The following TNRC6B variants were observed in gnomAD, a reference collection of about 807,000 sequenced individuals.
The protein encoded by TNRC6B is trinucleotide repeat-containing gene 6B protein.
In TNRC6B, 52 loss-of-function variants were observed where a neutral mutation model predicts 203.6. The ratio of observed to expected loss-of-function variants is 0.26; its 90% CI spans 0.20 to 0.32. The LOEUF (loss-of-function observed/expected upper bound fraction) is 0.32. TNRC6B is among the 10% of genes least tolerant of loss of function. The pLI is 1.00. For synonymous variants in TNRC6B, 838 were observed against 845.7 expected (o/e 0.99, Z 0.16); for missense variants, 1,923 against 2,286.2 (o/e 0.84, Z 3.24).
At position 40,285,671 on chromosome 22, in the gene TNRC6B, C is replaced by T; in HGVS notation, c.3609C>T (p.Asn1203=). ...RQGGSHGLFG[N]STAQSRGLHT... Reference sequence around the variant, plus strand: ...GCGGTAGTCATGGTTTGTTTGGAAACAGCACAGCACAATCGAGAGGTCTGC... The same window carrying T: ...GCGGTAGTCATGGTTTGTTTGGAAATAGCACAGCACAATCGAGAGGTCTGC... Residue 1203 remains asparagine (N), a synonymous_variant, in exon 12 of 23, where the codon AAC becomes AAT. Transcript: ENST00000454349. 3 of 1,613,358 alleles carry T rather than the reference C, an allele frequency of 1.9e-6. No homozygotes were observed. The highest frequency in any genetic ancestry group is 1.7e-5 in the Admixed American group (1 of 59,804).
chr22:40,122,154 G>T (rs577671758), intron 2 of TNRC6B, among the ~76,000 whole-genome samples: 191 of 152,228 alleles, frequency 1.3e-3, no homozygotes, highest in African/African-American at 4.1e-3. Context: ...CCTTGACTGG[G>T]CTCTCTATAT....
chr22:40,231,541 T>C (rs1248598003), intron 1 of TNRC6B, among the ~76,000 whole-genome samples: 1 of 152,196 alleles, frequency 6.6e-6, no homozygotes, highest in Non-Finnish European at 1.5e-5. Context: ...TTAAAATTTC[T>C]ATTTCTGATT....
At chr22:40,108,229 C>G (rs1281897208) in intron 1 of TNRC6B, among the ~76,000 whole-genome samples, 1 of 152,138 alleles carries the variant, frequency 6.6e-6, no homozygotes, top group Non-Finnish European at 1.5e-5. Flanking sequence ...CTGACGTGGC[C>G]TCTAGAGAAT....
At position 40,324,209 on chromosome 22, in the gene TNRC6B, C is replaced by G. The variant is rs1277195215; in HGVS notation, c.*968C>G. On this transcript the variant is annotated 3_prime_UTR_variant, in exon 23 of 23. Transcript: ENST00000454349. ...GGGGTTTCTCTGGCTGTTCTTTTGACCTAGCAGTAGAGTGGAGCACTGCCA... is the reference window on the plus strand; with the variant it reads ...GGGGTTTCTCTGGCTGTTCTTTTGAGCTAGCAGTAGAGTGGAGCACTGCCA... 2 of 152,424 alleles carry G rather than the reference C, an allele frequency of 1.3e-5. No homozygotes were observed. The highest frequency in any genetic ancestry group is 4.8e-5 in the African/African-American group (2 of 41,390). 9.4% of individuals were successfully genotyped at this position (152,424 alleles called of 1,614,324 possible).
At chr22:40,304,306 C>A (rs989368887) in intron 15 of TNRC6B, among the ~76,000 whole-genome samples, 2 of 152,092 alleles carry the variant, frequency 1.3e-5, no homozygotes, top group African/African-American at 4.8e-5. Flanking sequence ...CTAATTCTGT[C>A]CTTTTAGCAA....
chr22:40,105,824 T>C (rs975072360), intron 1 of TNRC6B, among the ~76,000 whole-genome samples: 6 of 152,326 alleles, frequency 3.9e-5, no homozygotes, highest in African/African-American at 1.4e-4. Flanking sequence ...GGCGTATCTG[T>C]CTTGAACTTT....
At chr22:40,090,607 T>G (rs2068142606) in intron 1 of TNRC6B, among the ~76,000 whole-genome samples, 1 of 152,214 alleles carries the variant, frequency 6.6e-6, no homozygotes, top group Non-Finnish European at 1.5e-5. Context: ...AGATGTATCT[T>G]TGTATTTTCT....
intron 3 of TNRC6B, among the ~76,000 whole-genome samples, chr22:40,150,065 A>G (rs529226656): frequency 6.6e-6 from 1 of 152,324 alleles, no homozygotes; most frequent in East Asian, 1.9e-4. Flanking sequence ...AAGTCTTGAC[A>G]TGGTAAACTA....
intron 1 of TNRC6B, among the ~76,000 whole-genome samples, chr22:40,223,600 G>C (rs893781884): frequency 1.7e-4 from 26 of 152,290 alleles, no homozygotes; most frequent in African/African-American, 5.3e-4. Context: ...AGTACAAAAA[G>C]AACTGCTTGT....
At chr22:40,047,713 T>C (rs1272873726) in intron 1 of TNRC6B, among the ~76,000 whole-genome samples, 1 of 152,230 alleles carries the variant, frequency 6.6e-6, no homozygotes, top group Non-Finnish European at 1.5e-5. Context: ...ATAAAGATTG[T>C]AAAAATACAT....
chr22:40,300,896 C>T lies in TNRC6B; in HGVS notation c.3841-14C>T. On this transcript the variant is annotated splice_polypyrimidine_tract_variant and intron_variant, in intron 13 of 22. Coordinates refer to ENST00000454349, the MANE Select transcript of TNRC6B (RefSeq NM_001162501.2). ...GGAAACTTTGGTTTTCTGTCTTTCC[C>T]CCTTGTTTTGTAGGCATGTCAGCTT... 6.2e-7 allele frequency: 1 copy of T among 1,611,916 alleles called. No homozygotes were observed. The highest frequency in any genetic ancestry group is 8.5e-7 in the Non-Finnish European group (1 of 1,179,048).
intron 2 of TNRC6B, among the ~76,000 whole-genome samples, chr22:40,125,355 T>C (rs1032662749): frequency 2.0e-5 from 3 of 152,174 alleles, no homozygotes; most frequent in African/African-American, 7.2e-5. Context: ...CCAATTCCAA[T>C]AGCCTTAGCC....
At position 40,331,351 on chromosome 22, in the gene TNRC6B, G is replaced by GA. The variant is rs934758802; in HGVS notation, c.*8113dup. ...TTCAGAGCTATTATAGTTGAACACA[G>GA]AAATCTGCAGTGTCTTTATTTGTTT... On this transcript the variant is annotated 3_prime_UTR_variant, in exon 23 of 23. Transcript: ENST00000454349. 2 of 218,742 alleles carry GA rather than the reference G, an allele frequency of 9.1e-6. No individual in the cohort carries two copies. Among genetic ancestry groups the GA allele is most frequent in the African/African-American group, 4.5e-5 (2 of 44,504 alleles). 13.6% of individuals were successfully genotyped at this position (218,742 alleles called of 1,614,324 possible). A position where few individuals can be genotyped will look rare whatever the true frequency, so the allele number is the denominator to read the frequency against.
intron 5 of TNRC6B, among the ~76,000 whole-genome samples, chr22:40,267,722 C>A (rs2070500096): frequency 6.6e-6 from 1 of 152,070 alleles, no homozygotes; most frequent in African/African-American, 2.4e-5. Context: ...TTTTAAAAAT[C>A]AGACGGGTGT....
At chr22:40,160,134 G>A (rs981911202) in intron 4 of TNRC6B, among the ~76,000 whole-genome samples, 1 of 151,904 alleles carries the variant, frequency 6.6e-6, no homozygotes, top group Non-Finnish European at 1.5e-5. Context: ...TCTTTTAAAC[G>A]TCTGTCAAAC....
At chr22:40,222,218 C>T (rs1171694400) in intron 1 of TNRC6B, among the ~76,000 whole-genome samples, 1 of 152,162 alleles carries the variant, frequency 6.6e-6, no homozygotes, top group Non-Finnish European at 1.5e-5. Flanking sequence ...AATTGATGGC[C>T]ACTCTAGGCA....
chr22:40,131,487 C>T (rs1394616145), intron 3 of TNRC6B, among the ~76,000 whole-genome samples: 1 of 151,368 alleles, frequency 6.6e-6, no homozygotes, highest in Non-Finnish European at 1.5e-5. Context: ...ATAGATCATT[C>T]CTGAATTATG....
At chr22:40,245,711 CGTGT>C (rs66501173) in intron 1 of TNRC6B, among the ~76,000 whole-genome samples, 47,795 of 150,982 alleles carry the variant, frequency 0.32, 9,185 homozygotes, top group East Asian at 0.57. Flanking sequence ...GGAAATTAAT[CGTGT>C]GTGTGTGTGT....
intron 1 of TNRC6B, among the ~76,000 whole-genome samples, chr22:40,200,905 A>G (rs965432125): frequency 1.3e-5 from 2 of 152,106 alleles, no homozygotes; most frequent in Non-Finnish European, 2.9e-5. Context: ...TGGGAGCTCA[A>G]GCTCTATATT....
Sources: gnomAD v4.1 joint callset for allele counts (sites outside exome capture counted in the v4.1 genomes callset) on GRCh38, gnomAD v4.1.1 for gene constraint, MANE v1.5 for transcripts, NCBI Gene and HGNC (gene_info 2026-07-23, HGNC 2026-07-21) for gene names.